SPAG9: variants seen among roughly 807,000 people sequenced by gnomAD.
SPAG9 encodes the protein sperm associated antigen 9.
In SPAG9, 35 loss-of-function variants were observed where a neutral mutation model predicts 166.5. The ratio of observed to expected loss-of-function variants is 0.21; its 90% confidence interval spans 0.16 to 0.28. The LOEUF (loss-of-function observed/expected upper bound fraction) is 0.28, where lower values mean the gene tolerates loss of function less well. Among genes scored for constraint, SPAG9 ranks in the 10% least tolerant of loss-of-function variants. SPAG9 has a pLI of 1.00. For missense variants in SPAG9, 1,235 were observed against 1,603.3 expected (o/e 0.77, Z 3.92); for synonymous variants, 534 against 565.5 (o/e 0.94, Z 0.79).
intron 2 of SPAG9, among the ~76,000 whole-genome samples, chr17:51,071,378 A>T (rs554428232): frequency 6.6e-6 from 1 of 152,316 alleles, no homozygotes; most frequent in Admixed American, 6.5e-5. Context: ...TTCTCAATTC[A>T]CAACTTCCTT....
At chr17:51,066,769 G>A (rs1257319472) in intron 2 of SPAG9, among the ~76,000 whole-genome samples, 1 of 151,406 alleles carries the variant, frequency 6.6e-6, no homozygotes, top group African/African-American at 2.4e-5. Flanking sequence ...GCACACTCCT[G>A]TAGTCCCAGC....
At chr17:51,111,388 G>A (rs2049106399) in intron 1 of SPAG9, among the ~76,000 whole-genome samples, 1 of 152,142 alleles carries the variant, frequency 6.6e-6, no homozygotes, top group Non-Finnish European at 1.5e-5. Flanking sequence ...CTCCTGAGAA[G>A]CAAAGTTCAG....
intron 1 of SPAG9, among the ~76,000 whole-genome samples, chr17:51,115,491 T>C (rs73346188): frequency 0.048 from 7,184 of 150,762 alleles, 394 homozygotes; most frequent in East Asian, 0.19. Context: ...CCAGTAAAGA[T>C]ATTCTCTCTT....
chr17:51,118,931 A>C (rs192447796), intron 1 of SPAG9, among the ~76,000 whole-genome samples: 22 of 151,116 alleles, frequency 1.5e-4, no homozygotes, highest in Non-Finnish European at 2.7e-4. Context: ...CTCCTTAGGA[A>C]GCTGAGGCAC....
intron 12 of SPAG9, among the ~76,000 whole-genome samples, chr17:51,003,139 G>A (rs769209897): frequency 2.0e-5 from 3 of 151,872 alleles, no homozygotes; most frequent in Admixed American, 6.6e-5. Flanking sequence ...CTTGGGAGGC[G>A]GAGGCAGGAG....
chr17:51,054,604 T>C lies in SPAG9; in HGVS notation c.495+1808A>G, dbSNP rs570043093. ...GGCTCCCTCCATGATGCCTGGCTAA[T>C]TTTTCGTATTTTTAGTAGAGACGGG... On this transcript the variant is annotated intron_variant, in intron 3 of 29. Transcript: ENST00000262013. Among the ~76,000 whole-genome samples, 50 of 151,946 alleles carry C rather than the reference T, an allele frequency of 3.3e-4. No individual in the cohort carries two copies. The South Asian group carries it at 9.8e-3, about 30-fold the overall frequency.
At chr17:51,079,860 T>C (rs2048112802) in intron 1 of SPAG9, among the ~76,000 whole-genome samples, 156 bp from the exon 2 acceptor site, 2 of 152,172 alleles carry the variant, frequency 1.3e-5, no homozygotes, top group African/African-American at 4.8e-5. Flanking sequence ...CTATAAAAAT[T>C]AAGTTTAAAA....
intron 1 of SPAG9, among the ~76,000 whole-genome samples, chr17:51,080,206 A>C (rs1004339352): frequency 1.3e-5 from 2 of 152,208 alleles, no homozygotes; most frequent in East Asian, 1.9e-4. Context: ...CATCAAGGAT[A>C]GTAACACTAA....
rs1363100784 is a variant in SPAG9, at chr17:50,989,665, C to T, written c.2813+12G>A. ...TCACCCAGTTGCCTAAGTTGATGAC[C>T]CATTATTATACCTCGACTGATACAC... On this transcript the variant is annotated intron_variant, in intron 21 of 29. Transcript: ENST00000262013. 1.2e-6 allele frequency: 2 copies of T among 1,611,124 alleles called. No homozygotes were observed. The highest frequency in any genetic ancestry group is 1.7e-5 in the Admixed American group (1 of 59,920).
intron 19 of SPAG9, among the ~76,000 whole-genome samples, chr17:50,992,121 C>G (rs1181232618): frequency 6.6e-6 from 1 of 151,564 alleles, no homozygotes; most frequent in Non-Finnish European, 1.5e-5. Context: ...CTTCTGGGCT[C>G]AAGTGATCGT....
At position 50,993,938 on chromosome 17, in the gene SPAG9, G is replaced by T. The variant is rs755195164; in HGVS notation, c.2227-3C>A. The T allele has an allele frequency of 2.5e-6, 4 of 1,612,818 alleles. No individual in the cohort carries two copies. In the African/African-American group the frequency reaches 5.3e-5, roughly 22 times the overall value. ...TTTTTTAACTCCTTCTGCTGTTCCT[G>T]TATAGGCAAAGGAGGAAAAATGTTT... On this transcript the variant is annotated splice_region_variant and splice_polypyrimidine_tract_variant and intron_variant, in intron 18 of 29. Transcript: ENST00000262013.
At chr17:51,073,920 G>A (rs955406721) in intron 2 of SPAG9, among the ~76,000 whole-genome samples, 1 of 152,114 alleles carries the variant, frequency 6.6e-6, no homozygotes, top group African/African-American at 2.4e-5. Flanking sequence ...GGCCAATATG[G>A]TGAAACCCCA....
At chr17:50,982,799 A>G (rs1974756212) in intron 24 of SPAG9, 127 bp from the exon 25 acceptor site, 1 of 826,248 alleles carries the variant, frequency 1.2e-6, no homozygotes, top group East Asian at 2.8e-5. Flanking sequence ...TGTACTAAGT[A>G]TATCTTTTAT....
chr17:50,979,718 G>GT (rs756255205), intron 26 of SPAG9, 28 bp downstream of exon 26: 2 of 1,595,432 alleles, frequency 1.3e-6, no homozygotes, highest in South Asian at 2.2e-5. Context: ...TCTTTGACTG[G>GT]TAAAGATAAA....
At position 50,974,914 on chromosome 17, in the gene SPAG9, G is replaced by C. The variant is rs1974107178; in HGVS notation, c.3557C>G (p.Pro1186Arg). 4 of 1,610,402 alleles carry C rather than the reference G, an allele frequency of 2.5e-6. No homozygotes were observed. In the South Asian group the frequency reaches 4.4e-5, roughly 18 times the overall value. Residue 1186 changes from proline (P) to arginine (R), a missense_variant, in exon 28 of 30, where the codon CCT (proline) becomes CGT (arginine). Transcript: ENST00000262013. ...ACCATATACACGGATTACACTTCCA[G>C]GACGATTTCCTGGTACACCTGAGGT... The part of the protein sequence containing the change: ...NKTSGVPGNR[P>R]GSVIRVYGDE...
At chr17:50,970,616 A>G in intron 29 of SPAG9, 91 bp downstream of exon 29, 2 of 1,089,066 alleles carry the variant, frequency 1.8e-6, no homozygotes, top group Non-Finnish European at 2.6e-6. Flanking sequence ...CCTCTTATAA[A>G]TCATTATCAG....
Position 50,964,646 on chromosome 17 carries a change from A to C in SPAG9, c.*1626T>G, listed in dbSNP as rs555093188. On this transcript the variant is annotated 3_prime_UTR_variant, in exon 30 of 30. Transcript: ENST00000262013. The stretch of plus-strand genomic sequence containing the variant: ...CTAGAGTAATAGATAAAAAAGGGTA[A>C]ATCACACATTTTCAAGAAGCTTGAG... 5.8e-4 allele frequency: 232 copies of C among 396,852 alleles called. 1 individual carries two copies. The highest frequency in any genetic ancestry group is 4.8e-3 in the African/African-American group (226 of 47,100). 24.6% of individuals were successfully genotyped at this position (396,852 alleles called of 1,614,324 possible). A position where few individuals can be genotyped will look rare whatever the true frequency, so the allele number is the denominator to read the frequency against.
chr17:51,041,616 A>C lies in SPAG9; in HGVS notation c.626T>G (p.Leu209Ter). 1 of 1,613,854 alleles carries C rather than the reference A, an allele frequency of 6.2e-7. No individual in the cohort carries two copies. Among genetic ancestry groups the C allele is most frequent in the Non-Finnish European group, 8.5e-7 (1 of 1,179,754 alleles). The change falls in exon 5 of 30, where the codon TTA becomes TGA. Residue 209 changes from leucine to a stop codon, truncating the protein, a stop_gained. Transcript: ENST00000262013. LOFTEE classifies it high-confidence loss of function. ...TGTAAGCAATCCATCTCCAGCAGGT[A>C]ATGGGAAAATTCCTAATGATATAGG... ...ERPISLGIFP[L>*]PAGDGLLTPD...
At chr17:51,060,505 T>TTA (rs1491330287) in intron 2 of SPAG9, among the ~76,000 whole-genome samples, 9 of 101,488 alleles carry the variant, frequency 8.9e-5, no homozygotes, top group African/African-American at 3.1e-4. Flanking sequence ...TTTGTCTTTT[T>TTA]AAAAAAAAAA....
Sources: allele counts gnomAD v4.1 joint callset (sites outside exome capture counted in the v4.1 genomes callset), GRCh38; gene constraint gnomAD v4.1.1; transcripts MANE v1.5; gene names NCBI Gene and HGNC (gene_info 2026-07-23, HGNC 2026-07-21).